Variants in RARB observed in about 807,000 individuals in gnomAD.
RARB encodes the protein HBV-activated protein.
Under a neutral mutation model 51.9 loss-of-function variants are expected in RARB, and 17 were observed. That is an observed-to-expected ratio of 0.33 (90% CI 0.22 to 0.49). RARB has a LOEUF of 0.49. Among genes scored for constraint, RARB ranks in the 20% least tolerant of loss-of-function variants. The pLI is 0.99. For synonymous variants in RARB, 215 were observed against 195.4 expected (o/e 1.10, Z -0.84); for missense variants, 369 against 550.8 (o/e 0.67, Z 3.30).
intron 3 of RARB, among the ~76,000 whole-genome samples, chr3:25,119,028 A>G (rs1476051417): frequency 6.6e-6 from 1 of 152,152 alleles, no homozygotes; most frequent in Non-Finnish European, 1.5e-5. Flanking sequence ...CAGTTTTTTA[A>G]AGTTTCCATT....
At chr3:25,447,742 C>T (rs2125537757) in intron 1 of RARB, among the ~76,000 whole-genome samples, 1 of 152,200 alleles carries the variant, frequency 6.6e-6, no homozygotes, top group African/African-American at 2.4e-5. Context: ...TGATTAATGC[C>T]TGTGGGCCTG....
chr3:25,468,065 A>C (rs748028979), intron 2 of RARB, among the ~76,000 whole-genome samples: 7 of 152,168 alleles, frequency 4.6e-5, no homozygotes, highest in Non-Finnish European at 1.0e-4. Context: ...TGAGTCATAG[A>C]GAGAAAGCAT....
chr3:25,241,869 T>G (rs887528001), intron 5 of RARB, among the ~76,000 whole-genome samples: 12 of 152,234 alleles, frequency 7.9e-5, no homozygotes, highest in African/African-American at 2.9e-4. Flanking sequence ...TAGTTCTAGA[T>G]CCTTGAGGAA....
chr3:25,413,360 T>G (rs1015551271), intron 5 of RARB, among the ~76,000 whole-genome samples: 3 of 152,236 alleles, frequency 2.0e-5, no homozygotes, highest in African/African-American at 7.2e-5. Flanking sequence ...ATATCACATT[T>G]TTTATCCATT....
At chr3:25,183,528 T>G (rs1425479100) in intron 5 of RARB, among the ~76,000 whole-genome samples, 1 of 152,184 alleles carries the variant, frequency 6.6e-6, no homozygotes. Flanking sequence ...CAAATTGGAA[T>G]CTGTGAGATT....
At chr3:24,857,486 A>G (rs1336970336) in intron 1 of RARB, among the ~76,000 whole-genome samples, 1 of 152,208 alleles carries the variant, frequency 6.6e-6, no homozygotes, top group East Asian at 1.9e-4. Context: ...CCCCAATACA[A>G]ATATGTCTCA....
At chr3:25,153,464 G>A (rs1037962655) in intron 4 of RARB, among the ~76,000 whole-genome samples, 1 of 150,146 alleles carries the variant, frequency 6.7e-6, no homozygotes, top group Admixed American at 6.6e-5. Context: ...CCATTTGTAC[G>A]ACTTCTGCTG....
In RARB at chr3:25,328,242, G is replaced by A. The variant is rs554684458; in HGVS notation, c.179-132951G>A. On this transcript the variant is annotated intron_variant, in intron 5 of 11. Transcript: ENST00000383772. ...CGATTTAAGTAGTTGCCTCTAGGCC[G>A]GGTGCAGTGGCTTACGCCTGTAATC... Among the ~76,000 whole-genome samples, 711 of 152,316 alleles carry A rather than the reference G, an allele frequency of 4.7e-3. 2 individuals carry two copies. Among genetic ancestry groups the A allele is most frequent in the South Asian group, 0.025 (122 of 4,820 alleles).
intron 3 of RARB, among the ~76,000 whole-genome samples, chr3:25,545,976 A>G (rs1343558734): frequency 6.6e-6 from 1 of 152,210 alleles, no homozygotes; most frequent in African/African-American, 2.4e-5. Flanking sequence ...GGAAGGCCTT[A>G]TGAGAAGGTG....
At chr3:24,903,924 T>A (rs1694786541) in intron 2 of RARB, among the ~76,000 whole-genome samples, 1 of 152,186 alleles carries the variant, frequency 6.6e-6, no homozygotes, top group African/African-American at 2.4e-5. Context: ...AAGTCACAAG[T>A]ACTAAAAGTA....
At chr3:25,180,323 A>G (rs1700836716) in intron 5 of RARB, among the ~76,000 whole-genome samples, 1 of 152,232 alleles carries the variant, frequency 6.6e-6, no homozygotes, top group Non-Finnish European at 1.5e-5. Context: ...TTTATTAGAT[A>G]AAATGTAGAC....
intron 3 of RARB, among the ~76,000 whole-genome samples, chr3:25,510,316 C>G (rs17016584): frequency 0.1 from 15,958 of 152,188 alleles, 975 homozygotes; most frequent in Middle Eastern, 0.19. Context: ...TGTATTCGCT[C>G]CCACATCAAA....
chr3:25,526,912 G>A (rs1284558421), intron 3 of RARB, among the ~76,000 whole-genome samples: 4 of 152,178 alleles, frequency 2.6e-5, no homozygotes, highest in Non-Finnish European at 5.9e-5. Context: ...GAATGTTCTT[G>A]CCAGAAAACC....
At position 24,991,318 on chromosome 3, in the gene RARB, C is replaced by A. The variant is rs140053107; in HGVS notation, c.-379-68807C>A. Among the ~76,000 whole-genome samples the A allele has an allele frequency of 3.0e-3, 456 of 152,110 alleles. 13 individuals are homozygous for A. In the East Asian group the frequency reaches 0.072, roughly 24 times the overall value. ...ATTAGCCAGGCTTAGTGGTGCATGC[C>A]GGTAGTCCCAGCTACTGGGGAGGCT... On this transcript the variant is annotated intron_variant, in intron 2 of 11. Coordinates refer to the RARB transcript ENST00000383772.
chr3:24,839,229 A>G (rs1702385258), intron 1 of RARB, among the ~76,000 whole-genome samples: 1 of 152,196 alleles, frequency 6.6e-6, no homozygotes, highest in Admixed American at 6.5e-5. Flanking sequence ...TTGTTAATCC[A>G]TAGTAAAAAA....
chr3:25,333,848 C>G (rs1704978383), intron 5 of RARB, among the ~76,000 whole-genome samples: 1 of 152,136 alleles, frequency 6.6e-6, no homozygotes, highest in African/African-American at 2.4e-5. Flanking sequence ...TGAAACAACC[C>G]CATCACAAAG....
intron 5 of RARB, among the ~76,000 whole-genome samples, chr3:25,387,953 T>A (rs1392402734): frequency 6.6e-6 from 1 of 152,128 alleles, no homozygotes; most frequent in Admixed American, 6.6e-5. Context: ...GAAAACTTTC[T>A]TAGAGGCATA....
intron 5 of RARB, among the ~76,000 whole-genome samples, chr3:25,329,911 A>G (rs900431596): frequency 1.3e-5 from 2 of 152,222 alleles, no homozygotes; most frequent in African/African-American, 2.4e-5. Context: ...AAGAAAGGGT[A>G]TCAGTGATTG....
At chr3:25,137,938 T>C (rs1385802002) in intron 4 of RARB, among the ~76,000 whole-genome samples, 1 of 152,128 alleles carries the variant, frequency 6.6e-6, no homozygotes, top group Non-Finnish European at 1.5e-5. Flanking sequence ...CTCTCTGAAA[T>C]AGCCATTGTC....
Sources: allele counts gnomAD v4.1 joint callset (sites outside exome capture counted in the v4.1 genomes callset), GRCh38; gene constraint gnomAD v4.1.1; transcripts MANE v1.5; gene names NCBI Gene and HGNC (gene_info 2026-07-23, HGNC 2026-07-21).